The following SH3PXD2A variants were observed in gnomAD, a reference collection of about 807,000 sequenced individuals.
SH3PXD2A encodes the protein SH3 and PX domain-containing protein 2A.
Under a neutral mutation model 115.2 loss-of-function variants are expected in SH3PXD2A, and 32 were observed. The ratio of observed to expected loss-of-function variants is 0.28; its 90% CI spans 0.21 to 0.37. SH3PXD2A has a LOEUF of 0.37. SH3PXD2A is among the 10% of genes least tolerant of loss of function. SH3PXD2A has a pLI of 1.00. For missense variants in SH3PXD2A, 1,328 were observed against 1,498.7 expected (o/e 0.89, Z 1.88); for synonymous variants, 610 against 629.1 (o/e 0.97, Z 0.45).
chr10:103,833,108 G>T lies in SH3PXD2A; in HGVS notation c.72+22087C>A, dbSNP rs1344578843. On this transcript the variant is annotated intron_variant, in intron 1 of 14. Coordinates refer to ENST00000369774, the MANE Select transcript of SH3PXD2A (RefSeq NM_001394015.1). Reference sequence around the variant, plus strand: ...ATCACAAACTCTCTTGAACAAAATTGCTAACTATGGCACTCAAGGGTATAG... The same window carrying T: ...ATCACAAACTCTCTTGAACAAAATTTCTAACTATGGCACTCAAGGGTATAG... 3.3e-5 allele frequency among the ~76,000 whole-genome samples: 5 copies of T among 152,174 alleles called. No homozygotes were observed. The East Asian group carries it at 9.6e-4, about 29-fold the overall frequency.
chr10:103,701,148 CCA>C (rs2037893361), intron 5 of SH3PXD2A, among the ~76,000 whole-genome samples: 1 of 50,086 alleles, frequency 2.0e-5, no homozygotes, highest in Non-Finnish European at 4.5e-5. Context: ...CATCCACTAT[CCA>C]TCCATCCATC....
At chr10:103,809,445 CCAGTCGCCTCCAAAACA>C (rs1241856299) in intron 1 of SH3PXD2A, among the ~76,000 whole-genome samples, 1 of 152,194 alleles carries the variant, frequency 6.6e-6, no homozygotes, top group Non-Finnish European at 1.5e-5. Flanking sequence ...CACACATCCA[CCAGTCGCCTCCAAAACA>C]CAGACGCTTC....
chr10:103,838,234 C>T (rs1185037746), intron 1 of SH3PXD2A, among the ~76,000 whole-genome samples: 1 of 152,218 alleles, frequency 6.6e-6, no homozygotes, highest in Non-Finnish European at 1.5e-5. Context: ...GCCCCAGGGG[C>T]TCTGGGCTGA....
intron 1 of SH3PXD2A, among the ~76,000 whole-genome samples, chr10:103,806,259 C>G (rs1432383325): frequency 6.6e-6 from 1 of 152,040 alleles, no homozygotes; most frequent in African/African-American, 2.4e-5. Context: ...AGCAAGAGAC[C>G]TCCCTGGAGA....
intron 8 of SH3PXD2A, among the ~76,000 whole-genome samples, chr10:103,657,146 T>C (rs943958890): frequency 1.3e-5 from 2 of 152,196 alleles, no homozygotes; most frequent in South Asian, 4.2e-4. Context: ...CTTGCTTCCA[T>C]GGAAGTATAA....
chr10:103,646,351 G>C (rs1458603725), intron 8 of SH3PXD2A, among the ~76,000 whole-genome samples: 1 of 152,060 alleles, frequency 6.6e-6, no homozygotes, highest in Non-Finnish European at 1.5e-5. Flanking sequence ...CCAATCCAAG[G>C]AGAAAAGGCC....
intron 6 of SH3PXD2A, among the ~76,000 whole-genome samples, chr10:103,685,264 A>C (rs1190107249): frequency 2.1e-5 from 3 of 142,794 alleles, no homozygotes; most frequent in African/African-American, 7.7e-5. Context: ...ACTTGAACCC[A>C]GGAGGTGGAG....
chr10:103,631,935 T>C (rs370199862), intron 8 of SH3PXD2A, among the ~76,000 whole-genome samples: 15 of 152,098 alleles, frequency 9.9e-5, no homozygotes, highest in African/African-American at 3.1e-4. Context: ...CTGGGCAGCA[T>C]AGTGAGATCC....
chr10:103,788,336 A>G (rs74918100), intron 2 of SH3PXD2A, among the ~76,000 whole-genome samples: 8,341 of 152,182 alleles, frequency 0.055, 287 homozygotes, highest in South Asian at 0.096. Flanking sequence ...CGCAAACCCA[A>G]ATAAGTCTGG....
intron 1 of SH3PXD2A, among the ~76,000 whole-genome samples, chr10:103,854,632 G>A (rs1308505456): frequency 6.6e-6 from 1 of 152,184 alleles, no homozygotes; most frequent in Non-Finnish European, 1.5e-5. Flanking sequence ...TCCTCACACC[G>A]ACGGACACAA....
At chr10:103,786,685 T>G (rs2038983824) in intron 2 of SH3PXD2A, among the ~76,000 whole-genome samples, 1 of 151,932 alleles carries the variant, frequency 6.6e-6, no homozygotes, top group Non-Finnish European at 1.5e-5. Flanking sequence ...AAAATAAAAA[T>G]AAATTTTGAA....
Position 103,805,826 on chromosome 10 carries a change from C to T in SH3PXD2A, c.73-4464G>A, listed in dbSNP as rs192513716. On this transcript the variant is annotated intron_variant, in intron 1 of 14. Transcript: ENST00000369774. Reference sequence around the variant, plus strand: ...ATCGCTTGAGCCCAGGAGTTTGAGACTGGCCTGGACAACATAGTGAGGCTC... The same window carrying T: ...ATCGCTTGAGCCCAGGAGTTTGAGATTGGCCTGGACAACATAGTGAGGCTC... Among the ~76,000 whole-genome samples the T allele has an allele frequency of 2.9e-4, 44 of 152,372 alleles. 1 individual carries two copies. Among genetic ancestry groups the T allele is most frequent in the Middle Eastern group, 3.4e-3 (1 of 294 alleles).
chr10:103,650,835 C>T (rs1306668082), intron 8 of SH3PXD2A, among the ~76,000 whole-genome samples: 1 of 152,238 alleles, frequency 6.6e-6, no homozygotes, highest in Non-Finnish European at 1.5e-5. Context: ...TACACCTGGG[C>T]TTTTTACCTT....
Position 103,602,074 on chromosome 10 carries a change from G to T in SH3PXD2A, c.3144C>A (p.Ala1048=), listed in dbSNP as rs753788355. The change falls in exon 15 of 15, where the codon GCC becomes GCA. Residue 1048 remains alanine (A), a synonymous_variant. Transcript: ENST00000369774. The part of the protein sequence containing the change: ...SQGSDSPLLP[A]QRNSIPVSPV... ...GGGACACGGGTATGCTGTTGCGCTG[G>T]GCGGGCAGTAGGGGTGAGTCTGAAC... 2 of 1,602,606 alleles carry T rather than the reference G, an allele frequency of 1.2e-6. No individual in the cohort carries two copies. The highest frequency in any genetic ancestry group is 3.4e-5 in the Admixed American group (2 of 59,422).
At chr10:103,764,839 G>A (rs971585600) in intron 3 of SH3PXD2A, among the ~76,000 whole-genome samples, 20 of 152,108 alleles carry the variant, frequency 1.3e-4, no homozygotes, top group African/African-American at 4.6e-4. Context: ...GTAGCCTTGT[G>A]CAAGTCTATT....
At chr10:103,779,947 G>A (rs1174558202) in intron 2 of SH3PXD2A, among the ~76,000 whole-genome samples, 1 of 152,182 alleles carries the variant, frequency 6.6e-6, no homozygotes, top group Non-Finnish European at 1.5e-5. Flanking sequence ...CTGAAGAAGG[G>A]GGAAGGGGAA....
chr10:103,801,726 CAG>C (rs1476278131), intron 1 of SH3PXD2A, among the ~76,000 whole-genome samples: 2 of 152,184 alleles, frequency 1.3e-5, no homozygotes, highest in Non-Finnish European at 2.9e-5. Context: ...GTTTTTGAGA[CAG>C]AGTCTCATTC....
intron 3 of SH3PXD2A, among the ~76,000 whole-genome samples, chr10:103,764,232 C>T (rs1186203479): frequency 6.6e-6 from 1 of 152,150 alleles, no homozygotes; most frequent in South Asian, 2.1e-4. Flanking sequence ...CTTTTTCCTT[C>T]ATGTCTGAGC....
chr10:103,804,620 C>T (rs1405631571), intron 1 of SH3PXD2A, among the ~76,000 whole-genome samples: 1 of 152,046 alleles, frequency 6.6e-6, no homozygotes, highest in Non-Finnish European at 1.5e-5. Flanking sequence ...CCTCATCTGA[C>T]CGGTTGACAC....
Sources: gnomAD v4.1 joint callset for allele counts (sites outside exome capture counted in the v4.1 genomes callset) on GRCh38, gnomAD v4.1.1 for gene constraint, MANE v1.5 for transcripts, NCBI Gene and HGNC (gene_info 2026-07-23, HGNC 2026-07-21) for gene names.